The following SYT16 variants were observed in gnomAD, a reference collection of about 807,000 sequenced individuals.
SYT16 encodes the protein synaptotagmin 16.
SYT16 carries 42 observed loss-of-function variants against 61.4 expected under a neutral mutation model. The observed-to-expected ratio is 0.68, with a 90% CI of 0.53 to 0.89. The LOEUF (loss-of-function observed/expected upper bound fraction) is 0.89, where lower values mean the gene tolerates loss of function less well. Ranked by LOEUF, SYT16 falls within the 40% of genes least tolerant of loss-of-function variation. The pLI is 0.00. For synonymous variants in SYT16, 314 were observed against 302.3 expected, an observed-to-expected ratio of 1.04 and a Z score of -0.40; for missense variants, 804 against 807.3, an observed-to-expected ratio of 1.00 and a Z score of 0.05.
chr14:61,826,528 A>G (rs1435936200), intron 1 of SYT16, among the ~76,000 whole-genome samples: 2 of 151,932 alleles, frequency 1.3e-5, no homozygotes, highest in Non-Finnish European at 2.9e-5. Context: ...CCTAGTTGTC[A>G]TTATTTTGCG....
chr14:61,991,950 GTTCA>G (rs75057544), intron 2 of SYT16, among the ~76,000 whole-genome samples: 61,322 of 149,074 alleles, frequency 0.41, 13,231 homozygotes, highest in South Asian at 0.49. Context: ...AACTTTGTTC[GTTCA>G]TTCATTCATT....
chr14:62,092,959 G>A (rs1172600563), intron 7 of SYT16, among the ~76,000 whole-genome samples: 2 of 151,958 alleles, frequency 1.3e-5, no homozygotes, highest in Non-Finnish European at 1.5e-5. Flanking sequence ...GCAAAACCAG[G>A]TTATGAGTAA....
intron 1 of SYT16, among the ~76,000 whole-genome samples, chr14:61,863,702 A>G (rs1000364385): frequency 6.6e-6 from 1 of 152,196 alleles, no homozygotes. Flanking sequence ...CAGATCATCC[A>G]GATTTTCTCC....
At chr14:61,832,594 G>A (rs895376924) in intron 1 of SYT16, among the ~76,000 whole-genome samples, 1 of 152,048 alleles carries the variant, frequency 6.6e-6, no homozygotes, top group African/African-American at 2.4e-5. Context: ...CCGCCACCAT[G>A]CCTGGCTAAT....
rs150793899 is a variant in SYT16 at position 61,869,812 on chromosome 14, A to C, written c.-325+57002A>C. Among the ~76,000 whole-genome samples, 168 of 152,336 alleles carry C rather than the reference A, an allele frequency of 1.1e-3. 1 individual carries two copies. The highest frequency in any genetic ancestry group is 2.1e-3 in the Non-Finnish European group (140 of 68,018). On this transcript the variant is annotated intron_variant, in intron 1 of 7. Coordinates refer to ENST00000683842, the MANE Select transcript of SYT16 (RefSeq NM_001367656.1). ...TCTGCCATGTGAGGTTATGAAGAGAAGATGGCTATCTGCAAACCTGGGAGC... is the reference window on the plus strand; with the variant it reads ...TCTGCCATGTGAGGTTATGAAGAGACGATGGCTATCTGCAAACCTGGGAGC...
chr14:62,096,077 C>G (rs376174086), intron 7 of SYT16, among the ~76,000 whole-genome samples: 17 of 152,050 alleles, frequency 1.1e-4, no homozygotes, highest in African/African-American at 4.1e-4. Flanking sequence ...ACATGCAAAG[C>G]TCAATTACAG....
chr14:62,105,239 G>T lies in SYT16; in HGVS notation c.*4532G>T, dbSNP rs2065949690. ...TACCTCTTGATCGATCACAAACAAG[G>T]CCTCTCCTTGTCTCCAGTTCTCTTA... is the stretch of plus-strand genomic sequence containing the variant. On this transcript the variant is annotated 3_prime_UTR_variant, in exon 8 of 8. Coordinates refer to ENST00000683842, the MANE Select transcript of SYT16 (RefSeq NM_001367656.1). 6.6e-6 allele frequency: 1 copy of T among 152,112 alleles called. No individual in the cohort carries two copies. The highest frequency in any genetic ancestry group is 1.5e-5 in the Non-Finnish European group (1 of 68,028). 9.4% of individuals were successfully genotyped at this position (152,112 alleles called of 1,614,324 possible). A position where few individuals can be genotyped will look rare whatever the true frequency, so the allele number is the denominator to read the frequency against.
chr14:61,872,918 G>GT (rs2047374557), intron 1 of SYT16, among the ~76,000 whole-genome samples: 2 of 152,200 alleles, frequency 1.3e-5, no homozygotes, highest in South Asian at 4.1e-4. Context: ...ATCTTTTCTG[G>GT]TAAACAGTTA....
At chr14:61,913,704 T>TTGTGTATGTG (rs2049015628) in intron 1 of SYT16, among the ~76,000 whole-genome samples, 1 of 145,758 alleles carries the variant, frequency 6.9e-6, no homozygotes, top group Admixed American at 6.8e-5. Flanking sequence ...CTTTGGGTCT[T>TTGTGTATGTG]TGTGTGTGTG....
intron 1 of SYT16, among the ~76,000 whole-genome samples, chr14:61,934,613 TGTG>T (rs1429760068): frequency 6.6e-6 from 1 of 152,196 alleles, no homozygotes; most frequent in African/African-American, 2.4e-5. Context: ...GAGATTTTAT[TGTG>T]GTGACCCAAA....
chr14:62,000,888 A>G (rs1319433892), intron 3 of SYT16, among the ~76,000 whole-genome samples: 1 of 152,090 alleles, frequency 6.6e-6, no homozygotes, highest in Non-Finnish European at 1.5e-5. Context: ...CAATAAACGT[A>G]TAATACGCTG....
intron 1 of SYT16, among the ~76,000 whole-genome samples, chr14:61,887,642 T>C (rs1470354117): frequency 6.6e-6 from 1 of 152,238 alleles, no homozygotes; most frequent in Non-Finnish European, 1.5e-5. Context: ...TGCCTTGCAC[T>C]TTTATATTAT....
intron 1 of SYT16, among the ~76,000 whole-genome samples, chr14:61,943,110 A>G (rs956500175): frequency 6.6e-6 from 1 of 152,206 alleles, no homozygotes; most frequent in African/African-American, 2.4e-5. Flanking sequence ...ACACCCCTAC[A>G]CAAATAAACC....
chr14:61,928,007 T>C lies in SYT16; in HGVS notation c.-324-42125T>C, dbSNP rs537326985. 1.7e-4 allele frequency among the ~76,000 whole-genome samples: 26 copies of C among 152,308 alleles called. No homozygotes were observed. The South Asian group carries it at 5.2e-3, about 30-fold the overall frequency. On this transcript the variant is annotated intron_variant, in intron 1 of 7. Coordinates refer to ENST00000683842, the MANE Select transcript of SYT16 (RefSeq NM_001367656.1). ...TGTTCTGAACAGTCCTCAGGCTAACTTTGATATTCTGAGGGAAGGGGCTAG... is the reference window on the plus strand; with the variant it reads ...TGTTCTGAACAGTCCTCAGGCTAACCTTGATATTCTGAGGGAAGGGGCTAG...
chr14:62,045,975 G>C (rs1387040138), intron 3 of SYT16, among the ~76,000 whole-genome samples: 1 of 152,118 alleles, frequency 6.6e-6, no homozygotes, highest in Admixed American at 6.5e-5. Context: ...CCCAGTAATG[G>C]GATGGCTGGG....
At chr14:61,975,307 T>A (rs2051740176) in intron 2 of SYT16, among the ~76,000 whole-genome samples, 2 of 151,956 alleles carry the variant, frequency 1.3e-5, no homozygotes, top group African/African-American at 4.8e-5. Flanking sequence ...TTCAAGCTAT[T>A]AAATGGCAAG....
intron 1 of SYT16, among the ~76,000 whole-genome samples, chr14:61,880,832 A>G (rs1171485482): frequency 6.6e-6 from 1 of 152,118 alleles, no homozygotes; most frequent in Non-Finnish European, 1.5e-5. Context: ...TGATTTATAA[A>G]TTTGTCAGGG....
chr14:61,846,183 T>A (rs1813361630), intron 1 of SYT16, among the ~76,000 whole-genome samples: 1 of 152,208 alleles, frequency 6.6e-6, no homozygotes, highest in Non-Finnish European at 1.5e-5. Context: ...ATAGTGCAGA[T>A]TAAATCTGAT....
At chr14:62,051,609 G>T (rs898423677) in intron 3 of SYT16, among the ~76,000 whole-genome samples, 1 of 152,154 alleles carries the variant, frequency 6.6e-6, no homozygotes, top group Non-Finnish European at 1.5e-5. Context: ...GGCCATCTTG[G>T]CTCCACCTCC....
Sources: allele counts gnomAD v4.1 joint callset (sites outside exome capture counted in the v4.1 genomes callset), GRCh38; gene constraint gnomAD v4.1.1; transcripts MANE v1.5; gene names NCBI Gene and HGNC (gene_info 2026-07-23, HGNC 2026-07-21).